The following HIBCH variants were observed in gnomAD, a reference collection of about 807,000 sequenced individuals.
The protein encoded by HIBCH is 3-hydroxyisobutyryl-CoA hydrolase, mitochondrial.
HIBCH carries 50 observed loss-of-function variants against 58.2 expected under a neutral mutation model. The observed-to-expected ratio is 0.86, with a 90% CI of 0.68 to 1.09. HIBCH has a LOEUF of 1.09. Among genes scored for constraint, HIBCH ranks in the 50% least tolerant of loss-of-function variants. The probability of loss-of-function intolerance (pLI) is 0.00; values close to 1 mark genes in which losing one functional copy is unlikely to be tolerated. For synonymous variants in HIBCH, 151 were observed against 146.9 expected, an observed-to-expected ratio of 1.03 and a Z score of -0.20; for missense variants, 450 against 449.7, an observed-to-expected ratio of 1.00 and a Z score of -0.01.
rs765232044 is a variant in HIBCH at position 190,246,197 on chromosome 2, C to T, written c.766G>A (p.Asp256Asn). The T allele has an allele frequency of 6.3e-7, 1 of 1,591,870 alleles. No homozygotes were observed. The highest frequency in any genetic ancestry group is 8.6e-7 in the Non-Finnish European group (1 of 1,161,030). The part of the protein sequence containing the change: ...NYHTESKIDR[D>N]KSFILEEHMD... ...TGTTCCTCAAGTATAAAAGACTTGT[C>T]TCGATCAATCTTAGACTGTTTGAAA... The change falls in exon 10 of 14, where the codon GAC (aspartate) becomes AAC (asparagine). Residue 256 changes from aspartate to asparagine, a missense_variant. Physicochemically the swap from Asp to Asn is conservative, Grantham distance 23. Coordinates refer to ENST00000359678, the MANE Select transcript of HIBCH (RefSeq NM_014362.4).
chr2:190,245,180 T>A, intron 10 of HIBCH: 1 of 514,818 alleles, frequency 1.9e-6, no homozygotes. Context: ...AATCTAAATT[T>A]TATTTTTTCT....
At chr2:190,194,470 C>CTG (rs1217494872) in intron 1 of HIBCH, among the ~76,000 whole-genome samples, 1 of 135,978 alleles carries the variant, frequency 7.4e-6, no homozygotes, top group African/African-American at 3.1e-5. Context: ...CCCACGTATC[C>CTG]TGTGTATACA....
At position 190,310,803 on chromosome 2, in the gene HIBCH, C is replaced by G; in HGVS notation, c.36-7G>C. ...CCTTTTGAATGCATTAAACCTGAAA[C>G]AAATGTGGAAAACAATGAGAACAGT... is the stretch of plus-strand genomic sequence containing the variant. On this transcript the variant is annotated splice_region_variant and splice_polypyrimidine_tract_variant and intron_variant, in intron 1 of 13. Transcript: ENST00000359678. 1 of 1,595,490 alleles carries G rather than the reference C, an allele frequency of 6.3e-7. No individual in the cohort carries two copies. The highest frequency in any genetic ancestry group is 8.6e-7 in the Non-Finnish European group (1 of 1,163,080).
intron 8 of HIBCH, chr2:190,251,490 T>C: frequency 2.3e-6 from 1 of 427,844 alleles, no homozygotes; most frequent in Non-Finnish European, 4.8e-6. Context: ...CAAAACTACC[T>C]TGAATTGGGT....
At position 190,252,041 on chromosome 2, in the gene HIBCH, C is replaced by T. The variant is rs1686787661; in HGVS notation, c.663+121G>A. The T allele has an allele frequency of 5.6e-6, 5 of 895,216 alleles. No homozygotes were observed. In the Admixed American group the frequency reaches 9.0e-5, roughly 16 times the overall value. The allele number at this position is 895,216 out of a possible 1,614,324, so 55.5% of individuals were successfully genotyped here. On this transcript the variant is annotated intron_variant, in intron 8 of 13. Coordinates refer to ENST00000359678, the MANE Select transcript of HIBCH (RefSeq NM_014362.4). Reference sequence around the variant, plus strand: ...GTAACACAGCTATAAACTAATAGGTCCAGGATTCACACCACGATTTCACCA... The same window carrying T: ...GTAACACAGCTATAAACTAATAGGTTCAGGATTCACACCACGATTTCACCA...
chr2:190,278,990 G>A (rs775469725), intron 6 of HIBCH, among the ~76,000 whole-genome samples: 4 of 152,104 alleles, frequency 2.6e-5, no homozygotes, highest in South Asian at 2.1e-4. Flanking sequence ...ATCTGAGACT[G>A]GGCAATTTAT....
intron 11 of HIBCH, among the ~76,000 whole-genome samples, chr2:190,241,942 TG>T (rs1297090824): frequency 6.6e-6 from 1 of 152,154 alleles, no homozygotes; most frequent in African/African-American, 2.4e-5. Flanking sequence ...TTATGTGTCT[TG>T]GGGTTGCTCT....
chr2:190,296,742 A>G (rs1424381864), intron 3 of HIBCH, 71 bp downstream of exon 3: 2 of 1,367,162 alleles, frequency 1.5e-6, no homozygotes, highest in East Asian at 2.3e-5. Context: ...TATGGGAGAA[A>G]ATACCAGAAA....
At chr2:190,289,593 T>C (rs1044340002) in intron 5 of HIBCH, among the ~76,000 whole-genome samples, 6 of 152,134 alleles carry the variant, frequency 3.9e-5, no homozygotes, top group African/African-American at 1.4e-4. Context: ...CAGTATTATA[T>C]TTCTTTTGGA....
intron 7 of HIBCH, 100 bp from the exon 8 acceptor site, chr2:190,252,407 C>G (rs1025931896): frequency 1.0e-5 from 10 of 953,298 alleles, no homozygotes; most frequent in Middle Eastern, 4.2e-4. Context: ...CTCTCTGGAG[C>G]TTGAATATAC....
chr2:190,269,988 G>A (rs1018768051), intron 6 of HIBCH, among the ~76,000 whole-genome samples: 1 of 151,850 alleles, frequency 6.6e-6, no homozygotes, highest in African/African-American at 2.4e-5. Context: ...AAAACCAAAT[G>A]TATGTTCTCA....
Position 190,216,658 on chromosome 2 carries a change from A to AT in HIBCH, c.892-3584dup, listed in dbSNP as rs1220341819. Among the ~76,000 whole-genome samples the AT allele has an allele frequency of 1.3e-5, 2 of 152,154 alleles. No homozygotes were observed. The highest frequency in any genetic ancestry group is 4.8e-5 in the African/African-American group (2 of 41,436). On this transcript the variant is annotated intron_variant, in intron 11 of 13. Coordinates refer to ENST00000359678, the MANE Select transcript of HIBCH (RefSeq NM_014362.4). This position sits in a 1 kb window ranked among gnomAD's most constrained non-coding sequence, Gnocchi z 4.2. ...CAGAATTCTTTTTATCTAAAATGGG[A>AT]TTTTTAAATGCTGGTTATCAGTTCA...
At chr2:190,276,787 A>G (rs1476222092) in intron 6 of HIBCH, among the ~76,000 whole-genome samples, 1 of 152,082 alleles carries the variant, frequency 6.6e-6, no homozygotes, top group African/African-American at 2.4e-5. Context: ...ACCCAAACAG[A>G]CTAACACACC....
chr2:190,191,742 T>TATA (rs1411889217), intron 1 of HIBCH, among the ~76,000 whole-genome samples: 1 of 152,232 alleles, frequency 6.6e-6, no homozygotes, highest in African/African-American at 2.4e-5. Context: ...TTCATGTACT[T>TATA]ATATTTGCTA....
chr2:190,278,103 G>A (rs527861946), intron 6 of HIBCH, among the ~76,000 whole-genome samples: 29 of 152,224 alleles, frequency 1.9e-4, no homozygotes, highest in Admixed American at 7.8e-4. Context: ...TGTTCCTAAA[G>A]TGAACTCCCC....
At chr2:190,312,541 T>C (rs1360157814) in intron 1 of HIBCH, among the ~76,000 whole-genome samples, 1 of 152,208 alleles carries the variant, frequency 6.6e-6, no homozygotes, top group Non-Finnish European at 1.5e-5. Flanking sequence ...AGCCTGAGGT[T>C]TCACAAAAGG....
At chr2:190,301,280 G>A (rs1688255187) in intron 2 of HIBCH, among the ~76,000 whole-genome samples, 1 of 152,084 alleles carries the variant, frequency 6.6e-6, no homozygotes, top group Non-Finnish European at 1.5e-5. Context: ...TGTAGCCCTA[G>A]GTCTATGATA....
Position 190,319,779 on chromosome 2 carries a change from G to C in HIBCH, c.-29C>G, listed in dbSNP as rs185785949. The C allele has an allele frequency of 6.2e-7, 1 of 1,606,012 alleles. No homozygotes were observed. Among genetic ancestry groups the C allele is most frequent in the Non-Finnish European group, 8.5e-7 (1 of 1,176,210 alleles). ...CAAACACTCCGAAGCTAAAGCAGCA[G>C]AGCGAGAATCTCCCGGACCGTTCCA... On this transcript the variant is annotated 5_prime_UTR_variant, in exon 1 of 14. Transcript: ENST00000359678.
intron 6 of HIBCH, among the ~76,000 whole-genome samples, chr2:190,273,565 A>G (rs1687463956): frequency 6.6e-6 from 1 of 152,164 alleles, no homozygotes; most frequent in African/African-American, 2.4e-5. Context: ...ATATAGATAA[A>G]AACGAATGTA....
Sources: gnomAD v4.1 joint callset for allele counts (sites outside exome capture counted in the v4.1 genomes callset) on GRCh38, gnomAD v4.1.1 for gene constraint, Gnocchi (gnomAD v3.1) non-coding constraint, MANE v1.5 for transcripts, NCBI Gene and HGNC (gene_info 2026-07-23, HGNC 2026-07-21) for gene names.